The following NRXN3 variants were observed in gnomAD, a reference collection of about 807,000 sequenced individuals.
NRXN3 encodes neurexin 3.
Under a neutral mutation model 137.6 loss-of-function variants are expected in NRXN3, and 32 were observed. The ratio of observed to expected loss-of-function variants is 0.23; its 90% CI spans 0.18 to 0.31. The LOEUF is 0.31. NRXN3 is among the 10% of genes least tolerant of loss of function. NRXN3 has a pLI of 1.00. For missense variants in NRXN3, 1,574 were observed against 2,062.5 expected (o/e 0.76, Z 4.59); for synonymous variants, 798 against 784.5 (o/e 1.02, Z -0.29).
At chr14:79,115,864 T>A (rs1301543410) in intron 15 of NRXN3, among the ~76,000 whole-genome samples, 2 of 152,216 alleles carry the variant, frequency 1.3e-5, no homozygotes, top group African/African-American at 2.4e-5. Flanking sequence ...TCTAATAATA[T>A]CCACCATTTT....
chr14:78,319,815 C>T (rs765630949), intron 4 of NRXN3, among the ~76,000 whole-genome samples: 51 of 152,286 alleles, frequency 3.3e-4, no homozygotes, highest in African/African-American at 7.0e-4. Flanking sequence ...CCCTGTTACC[C>T]ATCTGTATAA....
At chr14:79,768,424 C>A (rs1409960522) in intron 19 of NRXN3, among the ~76,000 whole-genome samples, 1 of 152,200 alleles carries the variant, frequency 6.6e-6, no homozygotes, top group African/African-American at 2.4e-5. Context: ...AGCTGGAGAT[C>A]TGAGAACGGG....
At chr14:79,857,230 T>C (rs12891294) in intron 20 of NRXN3, among the ~76,000 whole-genome samples, 19,833 of 139,444 alleles carry the variant, frequency 0.14, 1,413 homozygotes, top group Middle Eastern at 0.2. Flanking sequence ...TGTTTGTTTG[T>C]TTGCTTTTTG....
chr14:79,214,446 T>C lies in NRXN3; in HGVS notation c.3262+226305T>C, dbSNP rs544255385. Among the ~76,000 whole-genome samples, 22 of 152,338 alleles carry C rather than the reference T, an allele frequency of 1.4e-4. No homozygotes were observed. The South Asian group carries it at 1.9e-3, about 13-fold the overall frequency. On this transcript the variant is annotated intron_variant, in intron 15 of 20. Transcript: ENST00000335750. Reference sequence around the variant, plus strand: ...TAGTTAACAGTAATGTATTATGTAGTTTCAAATAGCTAGAAGGAGGATGTT... The same window carrying C: ...TAGTTAACAGTAATGTATTATGTAGCTTCAAATAGCTAGAAGGAGGATGTT...
intron 15 of NRXN3, among the ~76,000 whole-genome samples, chr14:79,362,133 A>ATT (rs979138468): frequency 2.7e-5 from 4 of 149,818 alleles, no homozygotes; most frequent in African/African-American, 4.9e-5. Flanking sequence ...CTAATTTTTT[A>ATT]TTTTATTTTA....
chr14:79,793,879 T>C (rs940452078), intron 19 of NRXN3, among the ~76,000 whole-genome samples: 1 of 152,234 alleles, frequency 6.6e-6, no homozygotes, highest in Non-Finnish European at 1.5e-5. Flanking sequence ...TTGTATGTCA[T>C]AGCCCATATA....
At chr14:79,020,431 ATTT>A (rs144058950) in intron 15 of NRXN3, among the ~76,000 whole-genome samples, 1 of 138,686 alleles carries the variant, frequency 7.2e-6, no homozygotes, top group African/African-American at 2.7e-5. Context: ...ACGCCTGGCT[ATTT>A]TTTTTTTTTT....
At chr14:79,775,311 T>C (rs1443603388) in intron 19 of NRXN3, among the ~76,000 whole-genome samples, 1 of 152,128 alleles carries the variant, frequency 6.6e-6, no homozygotes, top group Non-Finnish European at 1.5e-5. Context: ...TGAGGTTCTG[T>C]CTGTGGGGAT....
chr14:78,654,353 T>G (rs1187010685), intron 6 of NRXN3, among the ~76,000 whole-genome samples: 6 of 152,250 alleles, frequency 3.9e-5, no homozygotes, highest in Admixed American at 2.6e-4. Flanking sequence ...CATTTGTGGC[T>G]TTAAGTTGTC....
rs185192590 is a variant in NRXN3, at chr14:78,851,438, T to A, written c.2275+41094T>A. Among the ~76,000 whole-genome samples, 47 of 152,304 alleles carry A rather than the reference T, an allele frequency of 3.1e-4. No homozygotes were observed. The Middle Eastern group carries it at 0.01, about 33-fold the overall frequency. On this transcript the variant is annotated intron_variant, in intron 10 of 20. Transcript: ENST00000335750. ...GAGTGCATCACTCGTAAAGGCTGTG[T>A]TAGAGAGTGTGGCCTAGATCTCATA...
chr14:79,488,070 G>A (rs17109288), intron 16 of NRXN3, among the ~76,000 whole-genome samples: 2,145 of 152,224 alleles, frequency 0.014, 88 homozygotes, highest in East Asian at 0.12. Context: ...AGCACCAAGG[G>A]CTAGCAGCTG....
intron 15 of NRXN3, among the ~76,000 whole-genome samples, chr14:79,177,551 C>T (rs1261095508): frequency 6.6e-6 from 1 of 152,166 alleles, no homozygotes; most frequent in African/African-American, 2.4e-5. Context: ...CAAATAACTT[C>T]TAAAACAGCC....
chr14:78,469,039 T>C (rs2153726423), intron 4 of NRXN3, among the ~76,000 whole-genome samples: 1 of 152,180 alleles, frequency 6.6e-6, no homozygotes. Context: ...GTTTAGAGTT[T>C]AGCAAAGTGG....
chr14:79,800,884 G>A (rs1309551304), intron 19 of NRXN3, among the ~76,000 whole-genome samples: 1 of 152,168 alleles, frequency 6.6e-6, no homozygotes, highest in Non-Finnish European at 1.5e-5. Flanking sequence ...TCATCCAAAA[G>A]CCTTGGTTTG....
intron 1 of NRXN3, among the ~76,000 whole-genome samples, chr14:78,206,407 A>G (rs1450951132): frequency 6.6e-6 from 1 of 152,136 alleles, no homozygotes; most frequent in Non-Finnish European, 1.5e-5. Flanking sequence ...GATCACTCAT[A>G]CCCCAGAAAT....
At chr14:78,936,816 G>T (rs994512058) in intron 10 of NRXN3, among the ~76,000 whole-genome samples, 2 of 152,162 alleles carry the variant, frequency 1.3e-5, no homozygotes, top group African/African-American at 2.4e-5. Context: ...ACAGTTCAGG[G>T]TTATCATTCC....
intron 16 of NRXN3, among the ~76,000 whole-genome samples, chr14:79,656,582 A>T (rs1603363213): frequency 6.8e-6 from 1 of 147,590 alleles, no homozygotes; most frequent in South Asian, 2.1e-4. Flanking sequence ...ATGGTTCCTG[A>T]TGTCCTAAGC....
chr14:79,325,941 C>G (rs1392383763), intron 15 of NRXN3, among the ~76,000 whole-genome samples: 2 of 152,116 alleles, frequency 1.3e-5, no homozygotes, highest in African/African-American at 4.8e-5. Flanking sequence ...TAAAAAAAAG[C>G]TACTCTTGCT....
chr14:78,220,692 A>G (rs7145947), intron 1 of NRXN3, among the ~76,000 whole-genome samples: 72,809 of 151,814 alleles, frequency 0.48, 17,715 homozygotes, highest in African/African-American at 0.5. Flanking sequence ...ATAGAGGTTC[A>G]AGAAAGTGTT....
Sources: gnomAD v4.1 joint callset for allele counts (sites outside exome capture counted in the v4.1 genomes callset) on GRCh38, gnomAD v4.1.1 for gene constraint, MANE v1.5 for transcripts, NCBI Gene and HGNC (gene_info 2026-07-23, HGNC 2026-07-21) for gene names.